AP2A1: variants seen among roughly 807,000 people sequenced by gnomAD.
AP2A1 encodes the protein AP-2 complex subunit alpha-1.
Under a neutral mutation model 107.3 loss-of-function variants are expected in AP2A1, and 21 were observed. The observed-to-expected ratio is 0.20, with a 90% confidence interval of 0.14 to 0.28. The LOEUF (loss-of-function observed/expected upper bound fraction) is 0.28, where lower values mean the gene tolerates loss of function less well. Among genes scored for constraint, AP2A1 ranks in the 10% least tolerant of loss-of-function variants. The probability of loss-of-function intolerance (pLI) is 1.00; values close to 1 mark genes in which losing one functional copy is unlikely to be tolerated. For synonymous variants in AP2A1, 602 were observed against 564.8 expected, an observed-to-expected ratio of 1.07 and a Z score of -0.93; for missense variants, 873 against 1,307.7, an observed-to-expected ratio of 0.67 and a Z score of 5.13.
chr19:49,776,801 T>G (rs1443095270), intron 1 of AP2A1, among the ~76,000 whole-genome samples: 2 of 152,202 alleles, frequency 1.3e-5, no homozygotes, highest in Non-Finnish European at 2.9e-5. Flanking sequence ...GCCAGAGCCC[T>G]CCCTTTGGGG....
At chr19:49,805,848 G>A in intron 20 of AP2A1, 24 bp from the exon 21 acceptor site, 8 of 1,613,516 alleles carry the variant, frequency 5.0e-6, no homozygotes, top group Non-Finnish European at 6.8e-6. Context: ...CCAGGTCCCT[G>A]ACTTGAACCT....
In AP2A1 at chr19:49,798,667, C is replaced by T. The variant is rs974857100; in HGVS notation, c.815-135C>T. 6.7e-6 allele frequency: 8 copies of T among 1,189,024 alleles called. No homozygotes were observed. In the African/African-American group the frequency reaches 1.1e-4, roughly 16 times the overall value. The allele number at this position is 1,189,024 out of a possible 1,614,324, so 73.7% of individuals were successfully genotyped here. A position where few individuals can be genotyped will look rare whatever the true frequency, so the allele number is the denominator to read the frequency against. On this transcript the variant is annotated intron_variant, in intron 7 of 22. Transcript: ENST00000354293. ...AGGGAGCAGAGACCCTGGCCCTGAG[C>T]TGCAGAATTCTCGAGTGTCAGAGGC...
rs749904873 is a variant in AP2A1, at chr19:49,800,181, C to T, written c.1455+31C>T. On this transcript the variant is annotated intron_variant, in intron 11 of 22. Transcript: ENST00000354293. ...CATCCCTGACCCTGACCCTATGACC[C>T]CACGACAGGACCTAGAGGCAGAGCA... 9 of 1,580,188 alleles carry T rather than the reference C, an allele frequency of 5.7e-6. No individual in the cohort carries two copies. The Admixed American group carries it at 1.1e-4, about 19-fold the overall frequency.
At chr19:49,796,835 C>T (rs1452525956) in intron 7 of AP2A1, 1 of 152,100 alleles carries the variant, frequency 6.6e-6, no homozygotes, top group Non-Finnish European at 1.5e-5. Flanking sequence ...GTGTAGATAC[C>T]TGTGTGCATG....
intron 1 of AP2A1, among the ~76,000 whole-genome samples, chr19:49,780,194 G>C (rs1391756523): frequency 6.6e-6 from 1 of 152,242 alleles, no homozygotes; most frequent in Non-Finnish European, 1.5e-5. Context: ...GATGCTTACA[G>C]TCTGAAGTGG....
At chr19:49,790,229 C>T (rs2073125130) in intron 4 of AP2A1, among the ~76,000 whole-genome samples, 1 of 152,160 alleles carries the variant, frequency 6.6e-6, no homozygotes, top group African/African-American at 2.4e-5. Flanking sequence ...TGGCTCGTGG[C>T]CCCTTCCCCC....
chr19:49,776,124 C>A (rs1036750813), intron 1 of AP2A1, among the ~76,000 whole-genome samples: 5 of 152,072 alleles, frequency 3.3e-5, no homozygotes, highest in Non-Finnish European at 7.4e-5. Context: ...CTCCCATGGC[C>A]CCCCCCAGCA....
rs1168999696 is a variant in AP2A1 at position 49,791,982 on chromosome 19, G to A, written c.521G>A (p.Arg174Gln). ...VKQSAALCLL[R>Q]LYKASPDLVP... Reference sequence around the variant, plus strand: ...CAGAGTGCGGCCCTGTGCCTCCTTCGACTGTACAAGGCCTCGCCTGACCTG... The same window carrying A: ...CAGAGTGCGGCCCTGTGCCTCCTTCAACTGTACAAGGCCTCGCCTGACCTG... The change falls in exon 5 of 23, where the codon CGA (arginine) becomes CAA (glutamine). Residue 174 changes from arginine (R) to glutamine (Q), a missense_variant. Arg to Gln is a conservative substitution (Grantham distance 43). Around this residue, in one of 4 missense-constraint regions of AP2A1, gnomAD observed 157 missense variants for 212.6 expected, o/e 0.74. Coordinates refer to ENST00000354293, the MANE Select transcript of AP2A1 (RefSeq NM_130787.3). The A allele has an allele frequency of 6.2e-7, 1 of 1,612,438 alleles. No homozygotes were observed. Among genetic ancestry groups the A allele is most frequent in the African/African-American group, 1.3e-5 (1 of 74,802 alleles).
intron 1 of AP2A1, among the ~76,000 whole-genome samples, chr19:49,776,219 C>T (rs2084616184): frequency 1.3e-5 from 2 of 152,144 alleles, no homozygotes; most frequent in South Asian, 4.2e-4. Context: ...CCCGCATCCT[C>T]AGACTCTGTG....
intron 7 of AP2A1, among the ~76,000 whole-genome samples, chr19:49,798,587 T>G (rs7248071): frequency 0.42 from 63,118 of 151,984 alleles, 13,290 homozygotes; most frequent in Middle Eastern, 0.5. Flanking sequence ...GGGATAGATC[T>G]TGTGTCTCCA....
intron 15 of AP2A1, 62 bp downstream of exon 15, chr19:49,802,203 C>T: frequency 7.2e-7 from 1 of 1,381,768 alleles, no homozygotes; most frequent in Non-Finnish European, 9.9e-7. Context: ...CCTTCTCGGC[C>T]TCTGTCCCCG....
Position 49,800,057 on chromosome 19 carries a change from C to A in AP2A1, c.1362C>A (p.Gly454=), listed in dbSNP as rs184250533. ...TCCTCAACCTCATCCGCATTGCGGG[C>A]GACTACGTGAGTGAGGAGGTGTGGT... ...DTILNLIRIA[G]DYVSEEVWYR... The change falls in exon 11 of 23, where the codon GGC becomes GGA. Residue 454 remains glycine (G), a synonymous_variant. Coordinates refer to ENST00000354293, the MANE Select transcript of AP2A1 (RefSeq NM_130787.3). 6.2e-7 allele frequency: 1 copy of A among 1,613,914 alleles called. No homozygotes were observed. The highest frequency in any genetic ancestry group is 1.3e-5 in the African/African-American group (1 of 74,936).
At chr19:49,786,353 G>A (rs1288636804) in intron 4 of AP2A1, among the ~76,000 whole-genome samples, 1 of 152,196 alleles carries the variant, frequency 6.6e-6, no homozygotes, top group Non-Finnish European at 1.5e-5. Context: ...AATTATTCAC[G>A]AGCTATTTTA....
chr19:49,773,199 G>A (rs2084583301), intron 1 of AP2A1, among the ~76,000 whole-genome samples: 1 of 152,192 alleles, frequency 6.6e-6, no homozygotes, highest in Admixed American at 6.6e-5. Flanking sequence ...GGCGTGTTCT[G>A]TCCTGTCTGC....
intron 11 of AP2A1, chr19:49,800,657 G>A (rs549649259): frequency 1.7e-4 from 53 of 312,376 alleles, no homozygotes; most frequent in African/African-American, 1.2e-3. Context: ...TTTTAGTAGA[G>A]ACGGGGTTTC....
chr19:49,786,082 C>CAAAAA (rs1160479185), intron 4 of AP2A1, among the ~76,000 whole-genome samples: 1 of 151,896 alleles, frequency 6.6e-6, no homozygotes, highest in Non-Finnish European at 1.5e-5. Flanking sequence ...TCCATCTTAA[C>CAAAAA]AAAAAACAAA....
chr19:49,772,063 CTCTT>C, intron 1 of AP2A1, among the ~76,000 whole-genome samples: 1 of 152,072 alleles, frequency 6.6e-6, no homozygotes, highest in African/African-American at 2.4e-5. Flanking sequence ...GACCCTGTCT[CTCTT>C]TCTTTTTTTT....
At chr19:49,769,156 A>G (rs1451573317) in intron 1 of AP2A1, among the ~76,000 whole-genome samples, 6 of 152,182 alleles carry the variant, frequency 3.9e-5, no homozygotes, top group African/African-American at 9.7e-5. Context: ...AGGCTGAGGC[A>G]GGAGAATCGC....
intron 1 of AP2A1, among the ~76,000 whole-genome samples, chr19:49,769,105 C>G (rs917367550): frequency 2.2e-4 from 34 of 152,018 alleles, no homozygotes; most frequent in African/African-American, 7.2e-4. Context: ...CAAAAATTAG[C>G]CAGGTGTGGT....
Sources: allele counts gnomAD v4.1 joint callset (sites outside exome capture counted in the v4.1 genomes callset), GRCh38; gene constraint gnomAD v4.1.1; regional missense constraint gnomAD v4.1.1; transcripts MANE v1.5; gene names NCBI Gene and HGNC (gene_info 2026-07-23, HGNC 2026-07-21).